ERAP2: variants seen among roughly 807,000 people sequenced by gnomAD.
The protein encoded by ERAP2 is leukocyte-derived arginine aminopeptidase.
In ERAP2, 118 loss-of-function variants were observed where a neutral mutation model predicts 111.1. The ratio of observed to expected loss-of-function variants is 1.06; its 90% CI spans 0.92 to 1.24. The LOEUF (loss-of-function observed/expected upper bound fraction) is 1.24, where lower values mean the gene tolerates loss of function less well. Among genes scored for constraint, ERAP2 ranks in the 50% most tolerant of loss-of-function variants. The pLI, the probability that ERAP2 is intolerant of heterozygous loss-of-function variation, is 0.00. For synonymous variants in ERAP2, 410 were observed against 401.2 expected (o/e 1.02, Z -0.26); for missense variants, 1,131 against 1,125.8 (o/e 1.00, Z -0.07).
intron 3 of ERAP2, among the ~76,000 whole-genome samples, chr5:96,884,555 T>TTTG (rs1783526685): frequency 6.6e-6 from 1 of 151,156 alleles, no homozygotes; most frequent in Non-Finnish European, 1.5e-5. Context: ...TATACAAGTT[T>TTTG]TTTGTTTGTT....
intron 15 of ERAP2, among the ~76,000 whole-genome samples, chr5:96,912,262 C>CT (rs1023133866): frequency 8.1e-5 from 12 of 147,392 alleles, no homozygotes; most frequent in African/African-American, 2.9e-4. Context: ...AAGTAATCAT[C>CT]TTTAAAAAAA....
chr5:96,906,530 A>G (rs188036504), intron 13 of ERAP2, among the ~76,000 whole-genome samples: 6 of 152,312 alleles, frequency 3.9e-5, no homozygotes, highest in Admixed American at 1.3e-4. Context: ...GGCTTCCCCA[A>G]TTGCTGGGAT....
rs536623674 is a variant in ERAP2, at chr5:96,899,071, G to A, written c.1504-1050G>A. Among the ~76,000 whole-genome samples the A allele has an allele frequency of 7.2e-4, 109 of 152,206 alleles. 1 individual carries two copies. Among genetic ancestry groups the A allele is most frequent in the African/African-American group, 2.5e-3 (105 of 41,556 alleles). On this transcript the variant is annotated intron_variant, in intron 9 of 18. Coordinates refer to ENST00000437043, the MANE Select transcript of ERAP2 (RefSeq NM_022350.5). ...TACCAGATCATTTTAGGCCAGCAGT[G>A]TAAATTCCTGTGTTATTTTTTGTCA...
chr5:96,885,182 T>C (rs1243790003), intron 3 of ERAP2, among the ~76,000 whole-genome samples: 1 of 152,126 alleles, frequency 6.6e-6, no homozygotes, highest in African/African-American at 2.4e-5. Flanking sequence ...TATTTCCCCA[T>C]AGTCTCACAG....
chr5:96,900,255 A>G, intron 10 of ERAP2, 66 bp downstream of exon 10: 1 of 1,600,330 alleles, frequency 6.2e-7, no homozygotes, highest in Non-Finnish European at 8.5e-7. Context: ...AGTGAGTATG[A>G]CATACAGAGT....
chr5:96,892,028 C>T (rs115223800), intron 5 of ERAP2, among the ~76,000 whole-genome samples: 2,004 of 152,220 alleles, frequency 0.013, 18 homozygotes, highest in Non-Finnish European at 0.02. Context: ...AAAATATTTT[C>T]AGAGTTCAGC....
intron 9 of ERAP2, 90 bp downstream of exon 9, chr5:96,896,953 C>A: frequency 8.1e-7 from 1 of 1,240,084 alleles, no homozygotes; most frequent in Non-Finnish European, 1.1e-6. Context: ...TATATATTGT[C>A]AGTCAACCAT....
intron 12 of ERAP2, 100 bp from the exon 13 acceptor site, chr5:96,903,277 C>G: frequency 1.1e-6 from 1 of 921,798 alleles, no homozygotes; most frequent in Non-Finnish European, 1.6e-6. Context: ...CTTCATCTTC[C>G]CATTGATTTA....
At position 96,895,152 on chromosome 5, in the gene ERAP2, AAT is replaced by A. The variant is rs1784740866; in HGVS notation, c.1126-92_1126-91del. 6.0e-6 allele frequency: 4 copies of A among 669,930 alleles called. No individual in the cohort carries two copies. In the African/African-American group the frequency reaches 7.4e-5, roughly 12 times the overall value. 41.5% of individuals were successfully genotyped at this position (669,930 alleles called of 1,614,324 possible). A position where few individuals can be genotyped will look rare whatever the true frequency, so the allele number is the denominator to read the frequency against. On this transcript the variant is annotated intron_variant, in intron 6 of 18. Coordinates refer to ENST00000437043, the MANE Select transcript of ERAP2 (RefSeq NM_022350.5). Reference sequence around the variant, plus strand: ...CAAAGAGAGAAGAGAGATCCTAACTAATAAAAAAAAAGTTAGTAACTATTGTA... The same window carrying A: ...CAAAGAGAGAAGAGAGATCCTAACTAAAAAAAAAAGTTAGTAACTATTGTA...
intron 18 of ERAP2, among the ~76,000 whole-genome samples, chr5:96,917,173 C>T (rs903243956): frequency 2.6e-5 from 4 of 152,224 alleles, no homozygotes; most frequent in African/African-American, 9.6e-5. Context: ...GTGGCACCAT[C>T]TTGGCTCATT....
chr5:96,899,483 C>A (rs920533046), intron 9 of ERAP2, among the ~76,000 whole-genome samples: 2 of 152,150 alleles, frequency 1.3e-5, no homozygotes, highest in African/African-American at 4.8e-5. Flanking sequence ...TTCATAAGAT[C>A]ATTTAAAGGC....
At chr5:96,891,933 A>G (rs1035518886) in intron 5 of ERAP2, among the ~76,000 whole-genome samples, 1 of 152,122 alleles carries the variant, frequency 6.6e-6, no homozygotes, top group Non-Finnish European at 1.5e-5. Context: ...ATTATTTGAT[A>G]CCCTTTTTAA....
chr5:96,902,022 G>A (rs1785523334), intron 11 of ERAP2, among the ~76,000 whole-genome samples: 1 of 152,222 alleles, frequency 6.6e-6, no homozygotes, highest in Admixed American at 6.5e-5. Flanking sequence ...GATTAGGACA[G>A]CAAATGACAC....
At position 96,903,430 on chromosome 5, in the gene ERAP2, A is replaced by C; in HGVS notation, c.1882A>C (p.Asn628His). The change falls in exon 13 of 19, where the codon AAT (asparagine) becomes CAT (histidine). Residue 628 changes from asparagine to histidine, a missense_variant. Physicochemically the swap from Asn to His is moderately conservative, Grantham distance 68 (BLOSUM62 1). This residue lies in a region of ERAP2 where 847 missense variants were observed against 856.5 expected (regional missense o/e 0.99). Transcript: ENST00000437043. ...TSWVKFNVDS[N>H]GYYIVHYEGH... ...TTGGGTGAAATTTAATGTGGACTCA[A>C]ATGGTTACTACATCGTTCACTATGA... 1 of 1,613,946 alleles carries C rather than the reference A, an allele frequency of 6.2e-7. No homozygotes were observed. The highest frequency in any genetic ancestry group is 8.5e-7 in the Non-Finnish European group (1 of 1,179,904).
rs183259934 is a variant in ERAP2 at position 96,900,757 on chromosome 5, A to C, written c.1572+568A>C. The stretch of plus-strand genomic sequence containing the variant: ...AGTGGCACAATCTCAGCTCACTGCA[A>C]CCTCCACCTCTCTGGTTCAACCAAT... On this transcript the variant is annotated intron_variant, in intron 10 of 18. Transcript: ENST00000437043. Among the ~76,000 whole-genome samples the C allele has an allele frequency of 5.8e-3, 888 of 151,804 alleles. 6 individuals carry two copies. Among genetic ancestry groups the C allele is most frequent in the African/African-American group, 0.02 (845 of 41,370 alleles).
chr5:96,891,471 G>GTATA (rs140204785), intron 5 of ERAP2, among the ~76,000 whole-genome samples: 1 of 101,388 alleles, frequency 9.9e-6, no homozygotes, highest in Admixed American at 1.0e-4. Flanking sequence ...ACATATACAG[G>GTATA]TATATATATA....
chr5:96,906,170 G>A (rs969837689), intron 13 of ERAP2, among the ~76,000 whole-genome samples: 1 of 133,072 alleles, frequency 7.5e-6, no homozygotes, highest in Non-Finnish European at 1.6e-5. Context: ...TCTTAACCAC[G>A]ACACGACACT....
At chr5:96,899,996 T>G in intron 9 of ERAP2, 125 bp from the exon 10 acceptor site, 1 of 1,156,358 alleles carries the variant, frequency 8.6e-7, no homozygotes, top group Non-Finnish European at 1.2e-6. Flanking sequence ...TTTATGTTCA[T>G]TATCATGTCT....
chr5:96,899,102 T>C (rs985296409), intron 9 of ERAP2, among the ~76,000 whole-genome samples: 1 of 152,220 alleles, frequency 6.6e-6, no homozygotes, highest in African/African-American at 2.4e-5. Context: ...TGTCACATCA[T>C]GCTTATAATC....
Sources: allele counts gnomAD v4.1 joint callset (sites outside exome capture counted in the v4.1 genomes callset), GRCh38; gene constraint gnomAD v4.1.1; regional missense constraint gnomAD v4.1.1; transcripts MANE v1.5; gene names NCBI Gene and HGNC (gene_info 2026-07-23, HGNC 2026-07-21).